The following MEGF10 variants were observed in gnomAD, a reference collection of about 807,000 sequenced individuals.
MEGF10 encodes the protein multiple EGF like domains 10.
In MEGF10, 86 loss-of-function variants were observed where a neutral mutation model predicts 147.5. The observed-to-expected ratio is 0.58, with a 90% CI of 0.49 to 0.70. The LOEUF is 0.70. MEGF10 is among the 30% of genes least tolerant of loss of function. MEGF10 has a pLI of 0.00. For synonymous variants in MEGF10, 478 were observed against 525.5 expected (o/e 0.91, Z 1.24); for missense variants, 1,329 against 1,487.3 (o/e 0.89, Z 1.75).
At chr5:127,354,460 A>G (rs1762201851) in intron 4 of MEGF10, among the ~76,000 whole-genome samples, 2 of 152,230 alleles carry the variant, frequency 1.3e-5, no homozygotes, top group Non-Finnish European at 2.9e-5. Flanking sequence ...ACCTCTTGGA[A>G]GTGGCTGCCT....
intron 3 of MEGF10, among the ~76,000 whole-genome samples, 162 bp downstream of exon 3, chr5:127,339,383 A>T (rs1761592398): frequency 6.6e-6 from 1 of 152,128 alleles, no homozygotes; most frequent in Non-Finnish European, 1.5e-5. Flanking sequence ...GATGTAGAAA[A>T]GCAGAAAGGT....
intron 9 of MEGF10, among the ~76,000 whole-genome samples, chr5:127,416,055 G>A (rs923383008): frequency 1.3e-5 from 2 of 151,492 alleles, no homozygotes; most frequent in East Asian, 2.0e-4. Context: ...TTGAGACGGA[G>A]TCTCGCTCTG....
Position 127,420,085 on chromosome 5 carries a change from A to T in MEGF10, c.1468A>T (p.Thr490Ser), listed in dbSNP as rs1297578426. The T allele has an allele frequency of 6.2e-7, 1 of 1,614,192 alleles. No homozygotes were observed. Among genetic ancestry groups the T allele is most frequent in the Non-Finnish European group, 8.5e-7 (1 of 1,180,038 alleles). ...CTGCTCCATCAGATGTCCCAGTGGC[A>T]CATGGGGCTTTGGCTGTAACTTAAC... ...VDCSIRCPSGTWGFGCNLTCQ... is the reference protein window; with the variant it reads ...VDCSIRCPSGSWGFGCNLTCQ... Residue 490 changes from threonine to serine, a missense_variant, in exon 12 of 25, where the codon ACA (threonine) becomes TCA (serine). Thr to Ser is a moderately conservative substitution (Grantham distance 58, BLOSUM62 1). This residue lies in a region of MEGF10 where 980 missense variants were observed against 1,085.9 expected (regional missense o/e 0.90). Transcript: ENST00000503335.
At chr5:127,283,127 G>C in the MEGF10 span, among the ~76,000 whole-genome samples, 1 of 152,112 alleles carries the variant, frequency 6.6e-6, no homozygotes, top group Non-Finnish European at 1.5e-5. Context: ...CAAGAACCCT[G>C]ACTGATACAG....
chr5:127,458,534 T>C lies in MEGF10; in HGVS notation c.*1216T>C, dbSNP rs535499747. ...TATATGTTCGTTATTCCTTGTATTA[T>C]TGCCACTTATCTTTTGCTTGATAAA... On this transcript the variant is annotated 3_prime_UTR_variant, in exon 25 of 25. Transcript: ENST00000503335. 3.5e-4 allele frequency: 53 copies of C among 152,326 alleles called. No individual in the cohort carries two copies. The highest frequency in any genetic ancestry group is 1.3e-3 in the African/African-American group (52 of 41,584). 9.4% of individuals were successfully genotyped at this position (152,326 alleles called of 1,614,324 possible).
chr5:127,453,606 AT>A (rs1766238334), intron 22 of MEGF10, among the ~76,000 whole-genome samples: 1 of 152,222 alleles, frequency 6.6e-6, no homozygotes, highest in Admixed American at 6.5e-5. Flanking sequence ...AGGGTGGAAC[AT>A]CTTGCCCAAA....
At chr5:127,298,893 C>T (rs1272104041) in intron 1 of MEGF10, among the ~76,000 whole-genome samples, 3 of 152,200 alleles carry the variant, frequency 2.0e-5, no homozygotes, top group Non-Finnish European at 4.4e-5. Context: ...AGGAAACAGA[C>T]ACACTTAAAT....
chr5:127,296,090 CTT>C (rs1759486134), intron 1 of MEGF10, among the ~76,000 whole-genome samples: 1 of 152,116 alleles, frequency 6.6e-6, no homozygotes, highest in Non-Finnish European at 1.5e-5. Flanking sequence ...CATTCTAACT[CTT>C]TTTAAATATA....
intron 1 of MEGF10, among the ~76,000 whole-genome samples, chr5:127,318,840 A>T (rs1760673091): frequency 6.6e-6 from 1 of 152,218 alleles, no homozygotes; most frequent in South Asian, 2.1e-4. Context: ...CTTTTAAAAA[A>T]TAACAGAAGA....
the MEGF10 span, among the ~76,000 whole-genome samples, chr5:127,266,844 A>C: frequency 2.0e-5 from 3 of 152,312 alleles, no homozygotes; most frequent in South Asian, 6.2e-4. Context: ...GGTTTTCTAG[A>C]TATACAATCA....
rs531827684 is a variant in MEGF10 at position 127,370,853 on chromosome 5, T to C, written c.412+851T>C. On this transcript the variant is annotated intron_variant, in intron 5 of 24. Coordinates refer to ENST00000503335, the MANE Select transcript of MEGF10 (RefSeq NM_001256545.2). ...GAGAAGGAATTAAAGTGCAACTAAATTGTAATGCGTGAAACATTACATTTT... is the reference window on the plus strand; with the variant it reads ...GAGAAGGAATTAAAGTGCAACTAAACTGTAATGCGTGAAACATTACATTTT... 2.0e-5 allele frequency among the ~76,000 whole-genome samples: 3 copies of C among 152,324 alleles called. No homozygotes were observed. The East Asian group carries it at 5.8e-4, about 29-fold the overall frequency.
At chr5:127,253,172 G>A in the MEGF10 span, among the ~76,000 whole-genome samples, 3 of 152,070 alleles carry the variant, frequency 2.0e-5, no homozygotes, top group South Asian at 6.2e-4. Context: ...TGATTGTCTA[G>A]AGGTGACTTT....
the MEGF10 span, among the ~76,000 whole-genome samples, chr5:127,255,988 A>G: frequency 1.3e-5 from 2 of 152,150 alleles, no homozygotes; most frequent in Non-Finnish European, 2.9e-5. Flanking sequence ...CACTGCCCCA[A>G]CAGGCACCAG....
At chr5:127,268,547 G>A in the MEGF10 span, among the ~76,000 whole-genome samples, 1,003 of 152,244 alleles carry the variant, frequency 6.6e-3, 12 homozygotes, top group African/African-American at 0.023. Context: ...GGGGAGGGGC[G>A]CCCACCGTTG....
chr5:127,280,627 T>C, the MEGF10 span, among the ~76,000 whole-genome samples: 1 of 152,108 alleles, frequency 6.6e-6, no homozygotes, highest in Non-Finnish European at 1.5e-5. Context: ...CATACACGCG[T>C]GCAGTTTGTG....
chr5:127,437,821 G>A (rs76097531), intron 16 of MEGF10, among the ~76,000 whole-genome samples: 2 of 152,182 alleles, frequency 1.3e-5, no homozygotes, highest in Admixed American at 6.5e-5. Context: ...AAGGGTACAG[G>A]ATTTAGAAAT....
chr5:127,396,570 C>G lies in MEGF10; in HGVS notation c.451C>G (p.Arg151Gly), dbSNP rs767672691. The change falls in exon 6 of 25, where the codon CGG becomes GGG. Residue 151 changes from arginine (R) to glycine (G), a missense_variant. Arg to Gly is a moderately radical substitution (Grantham distance 125, BLOSUM62 -2). This residue lies in a region of MEGF10 where 980 missense variants were observed against 1,085.9 expected (regional missense o/e 0.90). Transcript: ENST00000503335. ...TCACTGGGGTCCCCACTGCACCAGC[C>G]GGTGCCAGTGCAAAAATGGGGCTCT... ...GDHWGPHCTS[R>G]CQCKNGALCN... 5.6e-6 allele frequency: 9 copies of G among 1,593,928 alleles called. No homozygotes were observed. The highest frequency in any genetic ancestry group is 7.7e-6 in the Non-Finnish European group (9 of 1,167,416).
chr5:127,295,505 A>T (rs1011023248), intron 1 of MEGF10, among the ~76,000 whole-genome samples: 3 of 152,194 alleles, frequency 2.0e-5, no homozygotes, highest in Admixed American at 6.5e-5. Flanking sequence ...CCCATTTCCC[A>T]TTCACTTTTT....
chr5:127,356,645 A>G (rs17165038), intron 4 of MEGF10, among the ~76,000 whole-genome samples: 6,987 of 152,290 alleles, frequency 0.046, 529 homozygotes, highest in African/African-American at 0.16. Context: ...GAGGGACATA[A>G]AAGGAAATAT....
Sources: gnomAD v4.1 joint callset for allele counts (sites outside exome capture counted in the v4.1 genomes callset) on GRCh38, gnomAD v4.1.1 for gene constraint, gnomAD v4.1.1 regional missense constraint, MANE v1.5 for transcripts, NCBI Gene and HGNC (gene_info 2026-07-23, HGNC 2026-07-21) for gene names.